CLEC2D: variants seen among roughly 807,000 people sequenced by gnomAD.
CLEC2D encodes C-type lectin domain family 2 member D.
A neutral mutation model predicts 20.0 loss-of-function variants in CLEC2D; 16 were observed. The ratio of observed to expected loss-of-function variants is 0.80; its 90% CI spans 0.54 to 1.22. The LOEUF is 1.22. Ranked by LOEUF, CLEC2D falls within the 50% of genes most tolerant of loss-of-function variation. The pLI, the probability that CLEC2D is intolerant of heterozygous loss-of-function variation, is 0.00. For synonymous variants in CLEC2D, 77 were observed against 71.1 expected (o/e 1.08, Z -0.42); for missense variants, 207 against 221.5 (o/e 0.93, Z 0.42).
At chr12:9,680,230 T>G in intron 1 of CLEC2D, 1 of 338,860 alleles carries the variant, frequency 3.0e-6, no homozygotes, top group South Asian at 2.4e-5. Flanking sequence ...AGAACACGTT[T>G]GCTTCCTCTT....
At chr12:9,685,662 A>C (rs943457100) in intron 2 of CLEC2D, among the ~76,000 whole-genome samples, 5 of 152,196 alleles carry the variant, frequency 3.3e-5, no homozygotes, top group African/African-American at 1.2e-4. Flanking sequence ...TGTGAGGGGA[A>C]AATCACCTAC....
rs746072868 is a variant in CLEC2D at position 9,680,958 on chromosome 12, A to T, written c.97A>T (p.Thr33Ser). 3 of 1,601,918 alleles carry T rather than the reference A, an allele frequency of 1.9e-6. No homozygotes were observed. Among genetic ancestry groups the T allele is most frequent in the African/African-American group, 1.3e-5 (1 of 74,844 alleles). ...TTCAAAAGAGCATTCTATTAAAGCT[A>T]CCTTAATTTGGCGCTTATTTTTCTT... is the stretch of plus-strand genomic sequence containing the variant. ...LHSKEHSIKA[T>S]LIWRLFFLIM... The change falls in exon 2 of 5, where the codon ACC becomes TCC. Residue 33 changes from threonine to serine, a missense_variant. Coordinates refer to ENST00000290855, the MANE Select transcript of CLEC2D (RefSeq NM_013269.6).
chr12:9,677,707 C>CTTT (rs36120151), intron 1 of CLEC2D, among the ~76,000 whole-genome samples: 102 of 122,262 alleles, frequency 8.3e-4, no homozygotes, highest in Non-Finnish European at 9.7e-4. Context: ...TTCTTTCTTT[C>CTTT]TTTTTTTTTT....
chr12:9,695,883 T>A lies in CLEC2D; in HGVS notation c.*1009T>A, dbSNP rs1865979867. On this transcript the variant is annotated 3_prime_UTR_variant, in exon 5 of 5. Coordinates refer to ENST00000290855, the MANE Select transcript of CLEC2D (RefSeq NM_013269.6). Reference sequence around the variant, plus strand: ...ATGATGATGATGATGAAGATGATGATGATGATGATGACGAGGAAGCTGAAG... The same window carrying A: ...ATGATGATGATGATGAAGATGATGAAGATGATGATGACGAGGAAGCTGAAG... 10 of 1,079,122 alleles carry A rather than the reference T, an allele frequency of 9.3e-6. No homozygotes were observed. In the East Asian group the frequency reaches 1.4e-4, roughly 15 times the overall value. 66.8% of individuals were successfully genotyped at this position (1,079,122 alleles called of 1,614,324 possible).
At chr12:9,691,515 A>G (rs1488015159) in intron 3 of CLEC2D, among the ~76,000 whole-genome samples, 1 of 152,174 alleles carries the variant, frequency 6.6e-6, no homozygotes, top group African/African-American at 2.4e-5. Flanking sequence ...AGGCCACAAA[A>G]CAAGTGTTAG....
intron 1 of CLEC2D, among the ~76,000 whole-genome samples, chr12:9,672,681 GTC>G (rs781485202): frequency 5.3e-5 from 8 of 152,048 alleles, no homozygotes; most frequent in Non-Finnish European, 1.2e-4. Context: ...CATCCTCCCT[GTC>G]TCTTTCAGGT....
rs1565461957 is a variant in CLEC2D, at chr12:9,669,748, A to G, written c.14A>G (p.Asn5Ser). 2 of 1,613,888 alleles carry G rather than the reference A, an allele frequency of 1.2e-6. No homozygotes were observed. Among genetic ancestry groups the G allele is most frequent in the Admixed American group, 1.7e-5 (1 of 60,024 alleles). Residue 5 changes from asparagine (N) to serine (S), a missense_variant, in exon 1 of 5, where the codon AAC becomes AGC. Asn to Ser is a conservative substitution (Grantham distance 46). Transcript: ENST00000290855. Reference protein sequence around the residue: MHDSNNVEKDITPSE... With the variant: MHDSSNVEKDITPSE... ...ACTGGAGGCAAAATGCATGACAGTA[A>G]CAATGTGGAGAAAGACATTACACCA...
intron 2 of CLEC2D, among the ~76,000 whole-genome samples, chr12:9,687,665 T>G (rs1283034053): frequency 6.6e-6 from 1 of 152,200 alleles, no homozygotes; most frequent in African/African-American, 2.4e-5. Context: ...CTTAAGTTAC[T>G]AATAACTCCT....
chr12:9,671,887 CTTTT>C (rs1007702541), intron 1 of CLEC2D, among the ~76,000 whole-genome samples: 1 of 151,816 alleles, frequency 6.6e-6, no homozygotes, highest in African/African-American at 2.4e-5. Context: ...TCCTTTTGCT[CTTTT>C]TTGTTTTGTT....
Position 9,692,855 on chromosome 12 carries a change from TC to T in CLEC2D, c.386del (p.Ser129LeufsTer7). The T allele has an allele frequency of 1.2e-6, 2 of 1,612,998 alleles. No individual in the cohort carries two copies. Among genetic ancestry groups the T allele is most frequent in the Non-Finnish European group, 1.7e-6 (2 of 1,179,302 alleles). ...TTTCCTGTTGAGATATAAAGGCCCA[TC>T]TGATCACTGGATTGGGCTGAGCAGA... Reference protein sequence around the residue: ...LNFLLRYKGPSDHWIGLSREQ... With the variant: ...LNFLLRYKGPXDHWIGLSREQ... On this transcript the variant is annotated frameshift_variant, in exon 4 of 5. Coordinates refer to ENST00000290855, the MANE Select transcript of CLEC2D (RefSeq NM_013269.6). LOFTEE classifies it high-confidence loss of function.
At chr12:9,677,514 G>T (rs970602725) in intron 1 of CLEC2D, among the ~76,000 whole-genome samples, 1 of 152,010 alleles carries the variant, frequency 6.6e-6, no homozygotes, top group African/African-American at 2.4e-5. Flanking sequence ...TGTTAAATTT[G>T]TTAGGATATG....
At chr12:9,677,836 C>T (rs1404611295) in intron 1 of CLEC2D, among the ~76,000 whole-genome samples, 1 of 152,012 alleles carries the variant, frequency 6.6e-6, no homozygotes, top group Non-Finnish European at 1.5e-5. Context: ...GCAATCCTCC[C>T]ACCTCAGTCT....
At chr12:9,680,541 ATT>A (rs942139990) in intron 1 of CLEC2D, among the ~76,000 whole-genome samples, 41 of 152,270 alleles carry the variant, frequency 2.7e-4, no homozygotes, top group African/African-American at 7.9e-4. Flanking sequence ...TTTTAAGTCT[ATT>A]TTAATCGATA....
intron 1 of CLEC2D, among the ~76,000 whole-genome samples, chr12:9,676,971 T>A (rs1481065627): frequency 2.0e-5 from 3 of 152,136 alleles, no homozygotes; most frequent in African/African-American, 7.2e-5. Context: ...AACAACTCCT[T>A]ATTTATTTCT....
At chr12:9,687,762 A>G (rs1408798636) in intron 2 of CLEC2D, 140 bp from the exon 3 acceptor site, 1 of 478,194 alleles carries the variant, frequency 2.1e-6, no homozygotes, top group Non-Finnish European at 3.3e-6. Flanking sequence ...ATTTAGCATC[A>G]TATTTCTCAC....
chr12:9,683,327 TTGTG>T (rs1473127318), intron 2 of CLEC2D, among the ~76,000 whole-genome samples: 6 of 18,898 alleles, frequency 3.2e-4, no homozygotes, highest in Admixed American at 6.6e-4. Flanking sequence ...AGTTTGTTTT[TTGTG>T]TTTGTTTTTT....
In CLEC2D at chr12:9,698,100, T is replaced by A. The variant is rs1049699282; in HGVS notation, c.*3226T>A. ...TTGCATTTTTAAAGGATATTTTTAT[T>A]TTTTAAATTTTTAGCTGACAACTGT... On this transcript the variant is annotated 3_prime_UTR_variant, in exon 5 of 5. Transcript: ENST00000290855. 4 of 152,174 alleles carry A rather than the reference T, an allele frequency of 2.6e-5. No individual in the cohort carries two copies. Among genetic ancestry groups the A allele is most frequent in the African/African-American group, 9.6e-5 (4 of 41,452 alleles). The allele number at this position is 152,174 out of a possible 1,614,324, so 9.4% of individuals were successfully genotyped here.
At position 9,688,150 on chromosome 12, in the gene CLEC2D, A is replaced by G; in HGVS notation, c.357+64A>G. 6 of 1,398,532 alleles carry G rather than the reference A, an allele frequency of 4.3e-6. No individual in the cohort carries two copies. The Admixed American group carries it at 1.6e-4, about 37-fold the overall frequency. The allele number at this position is 1,398,532 out of a possible 1,614,324, so 86.6% of individuals were successfully genotyped here. A position where few individuals can be genotyped will look rare whatever the true frequency, so the allele number is the denominator to read the frequency against. On this transcript the variant is annotated intron_variant, in intron 3 of 4. Coordinates refer to ENST00000290855, the MANE Select transcript of CLEC2D (RefSeq NM_013269.6). ...CTACAAGGATATGTTTTCCTGTGAA[A>G]TTATCTAAGAGGTAGGTTTAGACAT...
Position 9,688,077 on chromosome 12 carries a change from C to T in CLEC2D, c.348C>T (p.Phe116=). 2 of 1,593,288 alleles carry T rather than the reference C, an allele frequency of 1.3e-6. No homozygotes were observed. The highest frequency in any genetic ancestry group is 1.7e-6 in the Non-Finnish European group (2 of 1,169,466). Residue 116 remains phenylalanine, a synonymous_variant, in exon 3 of 5, where the codon TTC becomes TTT. Transcript: ENST00000290855. The part of the protein sequence containing the change: ...QDADLAQVES[F]QELNFLLRYK... ...CTGATCTTGCTCAGGTTGAAAGCTT[C>T]CAGGAACTGGTAAGAAAATAGTTCT...
Sources: gnomAD v4.1 joint callset for allele counts (sites outside exome capture counted in the v4.1 genomes callset) on GRCh38, gnomAD v4.1.1 for gene constraint, MANE v1.5 for transcripts, NCBI Gene and HGNC (gene_info 2026-07-23, HGNC 2026-07-21) for gene names.